Variants in FBLN7 observed in about 807,000 individuals in gnomAD.
The protein encoded by FBLN7 is fibulin 7, also known as fibulin-7.
In FBLN7, 31 loss-of-function variants were observed where a neutral mutation model predicts 44.0. The observed-to-expected ratio is 0.70, with a 90% CI of 0.53 to 0.95. The LOEUF is 0.95. FBLN7 is among the 40% of genes least tolerant of loss of function. The probability of loss-of-function intolerance (pLI) is 0.00; values close to 1 mark genes in which losing one functional copy is unlikely to be tolerated. For synonymous variants in FBLN7, 262 were observed against 253.4 expected, an observed-to-expected ratio of 1.03 and a Z score of -0.32; for missense variants, 573 against 618.5, an observed-to-expected ratio of 0.93 and a Z score of 0.78.
At chr2:112,181,645 G>T in intron 4 of FBLN7, 94 bp from the exon 5 acceptor site, 1 of 1,310,520 alleles carries the variant, frequency 7.6e-7, no homozygotes, top group South Asian at 2.0e-5. Context: ...AAGGGGCCGT[G>T]CCTCCGTCTT....
At chr2:112,153,160 G>A (rs963861186) in intron 1 of FBLN7, 3 of 152,108 alleles carry the variant, frequency 2.0e-5, no homozygotes, top group South Asian at 2.1e-4. Context: ...CTCTGGCTCA[G>A]TTGAAAAATA....
the FBLN7 span, among the ~76,000 whole-genome samples, chr2:112,234,565 C>CT: frequency 1.3e-5 from 2 of 152,174 alleles, no homozygotes; most frequent in Admixed American, 1.3e-4. Flanking sequence ...CTTTGGGAGG[C>CT]TGAGGCGGGT....
chr2:112,187,028 G>C lies in FBLN7; in HGVS notation c.948-106G>C, dbSNP rs1683299355. 7.1e-7 allele frequency: 1 copy of C among 1,411,538 alleles called. No homozygotes were observed. Among genetic ancestry groups the C allele is most frequent in the Admixed American group, 2.2e-5 (1 of 46,110 alleles). The allele number at this position is 1,411,538 out of a possible 1,614,324, so 87.4% of individuals were successfully genotyped here. ...GGTGAAGGACCCGTGGCTGGGAAAG[G>C]TCATCTAGGTGGCCTCTGCAAGAGG... On this transcript the variant is annotated intron_variant, in intron 7 of 7. Coordinates refer to ENST00000331203, the MANE Select transcript of FBLN7 (RefSeq NM_153214.3). The surrounding 1 kb of genome is among the most constrained non-coding windows in gnomAD (Gnocchi z 5.1).
chr2:112,240,168 CTG>C, the FBLN7 span, among the ~76,000 whole-genome samples: 1 of 152,212 alleles, frequency 6.6e-6, no homozygotes, highest in East Asian at 1.9e-4. Context: ...AACTTCTGGA[CTG>C]ATAGATCAGG....
At chr2:112,191,391 G>A (rs1683484381), downstream of FBLN7, among the ~76,000 whole-genome samples, 1 of 152,104 alleles carries the variant, frequency 6.6e-6, no homozygotes, top group African/African-American at 2.4e-5. Flanking sequence ...GGCCAAGCTG[G>A]TCTCAAACTC....
chr2:112,156,713 G>T (rs967059581), intron 1 of FBLN7, among the ~76,000 whole-genome samples: 1 of 152,220 alleles, frequency 6.6e-6, no homozygotes, highest in Non-Finnish European at 1.5e-5. Context: ...TGCGTTTGGG[G>T]CTGTGCCTGG....
At chr2:112,194,271 A>T in the FBLN7 span, among the ~76,000 whole-genome samples, 1 of 152,210 alleles carries the variant, frequency 6.6e-6, no homozygotes, top group Non-Finnish European at 1.5e-5. Flanking sequence ...GCTCGTAAAC[A>T]CTTAGAGATT....
chr2:112,193,940 G>A, the FBLN7 span, among the ~76,000 whole-genome samples: 1 of 152,338 alleles, frequency 6.6e-6, no homozygotes, highest in African/African-American at 2.4e-5. Context: ...TCTGCTTATT[G>A]CTGCATAAAA....
intron 3 of FBLN7, among the ~76,000 whole-genome samples, chr2:112,169,009 C>T (rs1056350162): frequency 9.2e-5 from 14 of 152,172 alleles, no homozygotes; most frequent in Non-Finnish European, 1.8e-4. Context: ...CGGTGGCTCA[C>T]GCCTGTAATC....
chr2:112,195,386 C>A, the FBLN7 span, among the ~76,000 whole-genome samples: 3 of 152,208 alleles, frequency 2.0e-5, no homozygotes, highest in Non-Finnish European at 4.4e-5. Flanking sequence ...GCCTTCCTTT[C>A]TTATGGTTGG....
At chr2:112,160,140 G>T (rs187695783) in intron 2 of FBLN7, among the ~76,000 whole-genome samples, 1 of 152,200 alleles carries the variant, frequency 6.6e-6, no homozygotes, top group Non-Finnish European at 1.5e-5. Context: ...ACAGGCGCCC[G>T]CCACCACGCC....
At chr2:112,199,836 A>C in the FBLN7 span, among the ~76,000 whole-genome samples, 1 of 152,176 alleles carries the variant, frequency 6.6e-6, no homozygotes, top group African/African-American at 2.4e-5. Context: ...TATTGAGGGA[A>C]GGGCTTTATT....
At chr2:112,179,563 AAAGGAATCACATTACCCAACTTC>A (rs1179276277) in intron 4 of FBLN7, among the ~76,000 whole-genome samples, 1 of 152,146 alleles carries the variant, frequency 6.6e-6, no homozygotes, top group East Asian at 1.9e-4. Flanking sequence ...GAACAAAGCT[AAAGGAATCACATTACCCAACTTC>A]AAACTATACC....
intron 5 of FBLN7, 119 bp downstream of exon 5, chr2:112,181,995 A>G: frequency 7.9e-7 from 1 of 1,270,856 alleles, no homozygotes; most frequent in Non-Finnish European, 1.0e-6. Context: ...CGGTCTCAGA[A>G]GGCCTGGCCA....
At chr2:112,169,713 CAGGCTAAG>C (rs1386910339) in intron 3 of FBLN7, among the ~76,000 whole-genome samples, 1 of 152,100 alleles carries the variant, frequency 6.6e-6, no homozygotes, top group Non-Finnish European at 1.5e-5. Flanking sequence ...CTGGGGTGCA[CAGGCTAAG>C]AGGGGAGGCA....
the FBLN7 span, chr2:112,212,643 CA>C: frequency 6.6e-6 from 1 of 152,164 alleles, no homozygotes; most frequent in African/African-American, 2.4e-5. Flanking sequence ...GTCCATGGCT[CA>C]GCTGTTATCA....
intron 3 of FBLN7, among the ~76,000 whole-genome samples, chr2:112,168,130 A>T (rs1430451139): frequency 1.3e-5 from 2 of 152,090 alleles, no homozygotes; most frequent in African/African-American, 4.8e-5. Context: ...TATCCTCCCG[A>T]GTCTTGCCCT....
At chr2:112,166,832 C>T (rs75814334) in intron 3 of FBLN7, among the ~76,000 whole-genome samples, 4,164 of 152,282 alleles carry the variant, frequency 0.027, 74 homozygotes, top group Middle Eastern at 0.044. Context: ...GTGCAGTCTG[C>T]TCCAGTGCCT....
At chr2:112,185,056 A>G (rs1683200328) in intron 6 of FBLN7, 145 bp from the exon 7 acceptor site, 2 of 1,139,752 alleles carry the variant, frequency 1.8e-6, no homozygotes, top group Non-Finnish European at 1.2e-6. Context: ...CACACAGTTA[A>G]GGAAGGCAGG....
Sources: allele counts gnomAD v4.1 joint callset (sites outside exome capture counted in the v4.1 genomes callset), GRCh38; gene constraint gnomAD v4.1.1; non-coding constraint Gnocchi (gnomAD v3.1); transcripts MANE v1.5; gene names NCBI Gene and HGNC (gene_info 2026-07-23, HGNC 2026-07-21).